SH3D19: variants seen among roughly 807,000 people sequenced by gnomAD.
SH3D19 encodes the protein SH3 domain-containing protein 19.
Under a neutral mutation model 112.1 loss-of-function variants are expected in SH3D19, and 58 were observed. The observed-to-expected ratio is 0.52, with a 90% CI of 0.42 to 0.64. SH3D19 has a LOEUF of 0.64. Among genes scored for constraint, SH3D19 ranks in the 30% least tolerant of loss-of-function variants. The pLI is 0.00. For synonymous variants in SH3D19, 391 were observed against 448.5 expected (o/e 0.87, Z 1.62); for missense variants, 1,090 against 1,263.4 (o/e 0.86, Z 2.08).
intron 1 of SH3D19, among the ~76,000 whole-genome samples, chr4:151,254,056 G>C (rs1051780872): frequency 1.2e-4 from 19 of 152,156 alleles, no homozygotes; most frequent in Admixed American, 3.3e-4. Context: ...AGTATAATTA[G>C]TTAAGCCATT....
At chr4:151,232,156 C>T (rs916690688) in intron 1 of SH3D19, among the ~76,000 whole-genome samples, 1 of 152,166 alleles carries the variant, frequency 6.6e-6, no homozygotes, top group Non-Finnish European at 1.5e-5. Context: ...TGCACTCCAG[C>T]CTGGGGGATG....
intron 1 of SH3D19, among the ~76,000 whole-genome samples, chr4:151,286,004 T>C (rs2150012893): frequency 6.7e-6 from 1 of 149,484 alleles, no homozygotes; most frequent in Non-Finnish European, 1.5e-5. Context: ...GAGACCAGCC[T>C]GAGCAATACA....
chr4:151,229,502 A>T (rs749369803), intron 1 of SH3D19, among the ~76,000 whole-genome samples: 2 of 151,974 alleles, frequency 1.3e-5, no homozygotes, highest in Non-Finnish European at 2.9e-5. Flanking sequence ...TGTATCACAC[A>T]CACACATACA....
Position 151,174,875 on chromosome 4 carries a change from A to G in SH3D19, c.1329T>C (p.Pro443=). The part of the protein sequence containing the change: ...NPTYPSAPLK[P]VTVPPRLAGA... Reference sequence around the variant, plus strand: ...CTGCGAGTCGGGGAGGAACAGTGACAGGTTTCAGTGGAGCTGAAGGGTAGG... The same window carrying G: ...CTGCGAGTCGGGGAGGAACAGTGACGGGTTTCAGTGGAGCTGAAGGGTAGG... Residue 443 remains proline, a synonymous_variant, in exon 7 of 20, where the codon CCT becomes CCC. Coordinates refer to ENST00000604030, the MANE Select transcript of SH3D19 (RefSeq NM_001378122.1). The G allele has an allele frequency of 1.2e-6, 2 of 1,609,372 alleles. No homozygotes were observed. The highest frequency in any genetic ancestry group is 1.7e-6 in the Non-Finnish European group (2 of 1,177,378).
chr4:151,217,557 C>T (rs996639731), intron 2 of SH3D19, among the ~76,000 whole-genome samples: 5 of 151,952 alleles, frequency 3.3e-5, no homozygotes, highest in Non-Finnish European at 7.4e-5. Context: ...GAACTTGGAA[C>T]AGTACCAAAC....
chr4:151,200,019 C>G (rs780138809), intron 2 of SH3D19, among the ~76,000 whole-genome samples: 1 of 152,040 alleles, frequency 6.6e-6, no homozygotes, highest in African/African-American at 2.4e-5. Flanking sequence ...CAGAGAGATC[C>G]CTTGCCTTTC....
intron 1 of SH3D19, among the ~76,000 whole-genome samples, chr4:151,241,322 C>T (rs1443360260): frequency 6.6e-6 from 1 of 151,646 alleles, no homozygotes; most frequent in Non-Finnish European, 1.5e-5. Flanking sequence ...AATAAGTAAG[C>T]AAGCAAGCTA....
intron 2 of SH3D19, among the ~76,000 whole-genome samples, chr4:151,218,482 G>A (rs1470336693): frequency 6.6e-6 from 1 of 151,634 alleles, no homozygotes; most frequent in Admixed American, 6.6e-5. Flanking sequence ...ATACAGTGGT[G>A]TGATCATAGT....
At chr4:151,269,178 T>C (rs548053989) in intron 1 of SH3D19, among the ~76,000 whole-genome samples, 11 of 152,374 alleles carry the variant, frequency 7.2e-5, no homozygotes, top group South Asian at 4.1e-4. Flanking sequence ...GATTTGCATT[T>C]CTCTGATGGC....
intron 15 of SH3D19, among the ~76,000 whole-genome samples, chr4:151,133,764 T>C (rs1171768162): frequency 6.6e-6 from 1 of 152,198 alleles, no homozygotes; most frequent in Non-Finnish European, 1.5e-5. Flanking sequence ...AAACTTGGCA[T>C]ATCATAACAC....
At chr4:151,227,805 T>C (rs1237966161) in intron 1 of SH3D19, 2 of 985,376 alleles carry the variant, frequency 2.0e-6, no homozygotes, top group Non-Finnish European at 2.4e-6. Flanking sequence ...CATCATTTCC[T>C]GTGGCTGTGA....
intron 1 of SH3D19, among the ~76,000 whole-genome samples, chr4:151,252,598 A>G (rs766013528): frequency 6.6e-6 from 1 of 152,092 alleles, no homozygotes; most frequent in African/African-American, 2.4e-5. Flanking sequence ...ATCTCATCTC[A>G]TGGCTTTAAA....
At chr4:151,263,654 A>C (rs1772547327) in intron 1 of SH3D19, among the ~76,000 whole-genome samples, 1 of 152,232 alleles carries the variant, frequency 6.6e-6, no homozygotes, top group Admixed American at 6.5e-5. Context: ...GGAAAGGATC[A>C]GCTTCCAAGC....
chr4:151,124,070 T>C (rs144833184), intron 19 of SH3D19, among the ~76,000 whole-genome samples: 2 of 152,068 alleles, frequency 1.3e-5, no homozygotes, highest in Admixed American at 6.6e-5. Context: ...TTAGGTCTGG[T>C]CCAAACCTAC....
Position 151,133,236 on chromosome 4 carries a change from T to A in SH3D19, c.2487A>T (p.Lys829Asn). Reference sequence around the variant, plus strand: ...CAAACCGAGCAACACATCTTGAGCCTCTGAATGAAGAACACATTTTGTGGA... The same window carrying A: ...CAAACCGAGCAACACATCTTGAGCCACTGAATGAAGAACACATTTTGTGGA... ...KRECVSSHCVKGSRCVARFEY... is the reference protein window; with the variant it reads ...KRECVSSHCVNGSRCVARFEY... The change falls in exon 16 of 20, where the codon AAA becomes AAT. Residue 829 changes from lysine (K) to asparagine (N), a missense_variant and splice_region_variant. By Grantham distance (94) the Lys-to-Asn change is moderately conservative. Coordinates refer to ENST00000604030, the MANE Select transcript of SH3D19 (RefSeq NM_001378122.1). 3 of 1,613,954 alleles carry A rather than the reference T, an allele frequency of 1.9e-6. No homozygotes were observed. Among genetic ancestry groups the A allele is most frequent in the Non-Finnish European group, 2.5e-6 (3 of 1,179,872 alleles).
At chr4:151,322,716 G>A (rs1730671905) in intron 1 of SH3D19, among the ~76,000 whole-genome samples, 1 of 152,086 alleles carries the variant, frequency 6.6e-6, no homozygotes, top group African/African-American at 2.4e-5. Flanking sequence ...ATTTCCTAAG[G>A]ATGCCCTACA....
intron 7 of SH3D19, among the ~76,000 whole-genome samples, chr4:151,169,498 T>C (rs959445728): frequency 1.3e-5 from 2 of 152,182 alleles, no homozygotes; most frequent in Admixed American, 6.5e-5. Context: ...ATAAACAGCA[T>C]CACTTCAATG....
At chr4:151,280,304 T>C (rs937260176) in intron 1 of SH3D19, among the ~76,000 whole-genome samples, 2 of 152,176 alleles carry the variant, frequency 1.3e-5, no homozygotes, top group African/African-American at 4.8e-5. Flanking sequence ...AGTGTCCCTA[T>C]GGAGAGGCCC....
chr4:151,311,386 AC>A (rs1417501229), intron 1 of SH3D19, among the ~76,000 whole-genome samples: 1 of 151,642 alleles, frequency 6.6e-6, no homozygotes, highest in Non-Finnish European at 1.5e-5. Flanking sequence ...ACACAGCAAG[AC>A]CCTGTTTAGA....
Sources: allele counts gnomAD v4.1 joint callset (sites outside exome capture counted in the v4.1 genomes callset), GRCh38; gene constraint gnomAD v4.1.1; transcripts MANE v1.5; gene names NCBI Gene and HGNC (gene_info 2026-07-23, HGNC 2026-07-21).